The following ARHGEF37 variants were observed in gnomAD, a reference collection of about 807,000 sequenced individuals.
The protein encoded by ARHGEF37 is Rho guanine nucleotide exchange factor (GEF) 37.
A neutral mutation model predicts 71.1 loss-of-function variants in ARHGEF37; 55 were observed. The observed-to-expected ratio is 0.77, with a 90% confidence interval of 0.62 to 0.97. ARHGEF37 has a LOEUF of 0.97. Ranked by LOEUF, ARHGEF37 falls within the 50% of genes least tolerant of loss-of-function variation. The probability of loss-of-function intolerance (pLI) is 0.00; values close to 1 mark genes in which losing one functional copy is unlikely to be tolerated. For missense variants in ARHGEF37, 765 were observed against 836.8 expected (o/e 0.91, Z 1.06); for synonymous variants, 327 against 350.6 (o/e 0.93, Z 0.75).
intron 10 of ARHGEF37, among the ~76,000 whole-genome samples, chr5:149,624,753 T>C (rs1752632144): frequency 6.6e-6 from 1 of 152,236 alleles, no homozygotes; most frequent in South Asian, 2.1e-4. Context: ...TGCCTTCTAA[T>C]GCCAGCTTCA....
At chr5:149,631,897 G>A in intron 12 of ARHGEF37, 85 bp from the exon 13 acceptor site, 2 of 1,408,020 alleles carry the variant, frequency 1.4e-6, no homozygotes, top group South Asian at 1.3e-5. Flanking sequence ...CCAGGTGGAT[G>A]GGAACAGGAT....
At chr5:149,591,432 G>C (rs945937367) in intron 1 of ARHGEF37, among the ~76,000 whole-genome samples, 2 of 152,056 alleles carry the variant, frequency 1.3e-5, no homozygotes, top group African/African-American at 4.8e-5. Flanking sequence ...TGCCCAGGCT[G>C]GAGTGCAGTA....
intron 4 of ARHGEF37, among the ~76,000 whole-genome samples, chr5:149,614,209 A>C (rs1752309260): frequency 6.6e-6 from 1 of 152,036 alleles, no homozygotes; most frequent in African/African-American, 2.4e-5. Flanking sequence ...TTGTACCTTT[A>C]TCTTTGCTCA....
chr5:149,583,755 A>C (rs1348506591), intron 1 of ARHGEF37, among the ~76,000 whole-genome samples: 5 of 152,004 alleles, frequency 3.3e-5, no homozygotes, highest in African/African-American at 1.2e-4. Flanking sequence ...TAGGCTGAAG[A>C]ATTTGTTTAT....
At chr5:149,582,729 AT>A (rs2113265449) in intron 1 of ARHGEF37, among the ~76,000 whole-genome samples, 1 of 152,316 alleles carries the variant, frequency 6.6e-6, no homozygotes, top group East Asian at 1.9e-4. Context: ...TTATAAATAT[AT>A]TAAAGTATCA....
At chr5:149,580,941 C>A (rs1413765171), upstream of ARHGEF37, among the ~76,000 whole-genome samples, 1 of 152,132 alleles carries the variant, frequency 6.6e-6, no homozygotes, top group Non-Finnish European at 1.5e-5. Context: ...CCTTGTCTAT[C>A]GTGTTAACTG....
rs1213941726 is a variant in ARHGEF37, at chr5:149,609,767, C to G, written c.458+72C>G. On this transcript the variant is annotated intron_variant, in intron 4 of 12. Transcript: ENST00000333677. ...GTTCAGGAGCAGCTATGGTCTCACCCCTTTTTCATGCCATTCGTGCTGCTT... is the reference window on the plus strand; with the variant it reads ...GTTCAGGAGCAGCTATGGTCTCACCGCTTTTTCATGCCATTCGTGCTGCTT... 30 of 1,587,682 alleles carry G rather than the reference C, an allele frequency of 1.9e-5. No homozygotes were observed. In the East Asian group the frequency reaches 6.5e-4, roughly 35 times the overall value.
intron 2 of ARHGEF37, among the ~76,000 whole-genome samples, chr5:149,599,231 G>T (rs1763680351): frequency 6.6e-6 from 1 of 152,156 alleles, no homozygotes; most frequent in Non-Finnish European, 1.5e-5. Context: ...GGGGCTGGGG[G>T]AGCCAGCAGG....
intron 1 of ARHGEF37, among the ~76,000 whole-genome samples, chr5:149,590,020 G>T (rs1226539189): frequency 6.6e-6 from 1 of 152,032 alleles, no homozygotes; most frequent in Non-Finnish European, 1.5e-5. Flanking sequence ...GTGAAACCTG[G>T]AACAAATAAC....
At chr5:149,589,418 C>A (rs1165586184) in intron 1 of ARHGEF37, among the ~76,000 whole-genome samples, 1 of 151,988 alleles carries the variant, frequency 6.6e-6, no homozygotes, top group African/African-American at 2.4e-5. Context: ...GCCTCAACTT[C>A]CAGAGTTCAA....
intron 3 of ARHGEF37, among the ~76,000 whole-genome samples, chr5:149,603,262 C>A (rs1175951143): frequency 6.6e-6 from 1 of 152,154 alleles, no homozygotes; most frequent in Admixed American, 6.6e-5. Context: ...TAAAAACCTA[C>A]TTTCTGAGTG....
intron 3 of ARHGEF37, among the ~76,000 whole-genome samples, chr5:149,608,565 G>T (rs150986666): frequency 2.8e-3 from 424 of 151,846 alleles, no homozygotes; most frequent in African/African-American, 9.8e-3. Context: ...TAAAGGCAGG[G>T]TTTTACCATG....
In ARHGEF37 at chr5:149,588,416, C is replaced by A. The variant is rs76177022; in HGVS notation, c.-12+6792C>A. On this transcript the variant is annotated intron_variant, in intron 1 of 12. Coordinates refer to ENST00000333677, the MANE Select transcript of ARHGEF37 (RefSeq NM_001001669.3). ...GGTTCAAGCAATTTTTGTGTCTCAGCCACCCAAGTAGCTGAGATTACAGGC... is the reference window on the plus strand; with the variant it reads ...GGTTCAAGCAATTTTTGTGTCTCAGACACCCAAGTAGCTGAGATTACAGGC... Among the ~76,000 whole-genome samples the A allele has an allele frequency of 0.016, 2,383 of 152,208 alleles. 237 individuals carry two copies. In the East Asian group the frequency reaches 0.3, roughly 19 times the overall value.
At chr5:149,607,755 CTTTT>C (rs67079479) in intron 3 of ARHGEF37, among the ~76,000 whole-genome samples, 22,789 of 81,804 alleles carry the variant, frequency 0.28, 1,893 homozygotes, top group Middle Eastern at 0.45. Flanking sequence ...AAAGAAACTT[CTTTT>C]TTTTTTTTTT....
rs758705452 is a variant in ARHGEF37, at chr5:149,554,870, C to T, written c.-12+2747C>T. Among the ~76,000 whole-genome samples the T allele has an allele frequency of 1.6e-4, 24 of 152,000 alleles. No individual in the cohort carries two copies. In the East Asian group the frequency reaches 3.7e-3, roughly 23 times the overall value. ...CTTTTAGGCCAGGCACGGTGGCTCACGCCTGTAATCCCAGCACTTTGGGAG... is the reference window on the plus strand; with the variant it reads ...CTTTTAGGCCAGGCACGGTGGCTCATGCCTGTAATCCCAGCACTTTGGGAG... On this transcript the variant is annotated intron_variant, in intron 1 of 2. Transcript: ENST00000505810.
chr5:149,590,092 G>C (rs1021866715), intron 1 of ARHGEF37, among the ~76,000 whole-genome samples: 4 of 152,040 alleles, frequency 2.6e-5, no homozygotes, highest in Non-Finnish European at 4.4e-5. Context: ...TTGTATTTCT[G>C]GAATCCTGCA....
chr5:149,632,052 C>G lies in ARHGEF37; in HGVS notation c.1889C>G (p.Thr630Ser), dbSNP rs1449272183. ...AGCCTGCAGGCAGGCCAGCCTGTGA[C>G]CATCCTGGAGGCCCAGGACAAGAAG... ...EVSLQAGQPV[T>S]ILEAQDKKGN... The change falls in exon 13 of 13, where the codon ACC becomes AGC. Residue 630 changes from threonine (T) to serine (S), a missense_variant. Coordinates refer to ENST00000333677, the MANE Select transcript of ARHGEF37 (RefSeq NM_001001669.3). 6.2e-7 allele frequency: 1 copy of G among 1,614,126 alleles called. No homozygotes were observed. The highest frequency in any genetic ancestry group is 8.5e-7 in the Non-Finnish European group (1 of 1,180,054).
At chr5:149,616,894 G>T (rs542986520) in intron 5 of ARHGEF37, 128 bp downstream of exon 5, 234 of 990,450 alleles carry the variant, frequency 2.4e-4, no homozygotes, top group Non-Finnish European at 3.3e-4. Flanking sequence ...CAGAGGTAAT[G>T]CAAGCTTTAG....
At chr5:149,582,482 C>T (rs1474632775) in intron 1 of ARHGEF37, among the ~76,000 whole-genome samples, 1 of 151,976 alleles carries the variant, frequency 6.6e-6, no homozygotes, top group Non-Finnish European at 1.5e-5. Flanking sequence ...TATGTGTAGA[C>T]GGGGGATGAG....
Sources: allele counts gnomAD v4.1 joint callset (sites outside exome capture counted in the v4.1 genomes callset), GRCh38; gene constraint gnomAD v4.1.1; transcripts MANE v1.5; gene names NCBI Gene and HGNC (gene_info 2026-07-23, HGNC 2026-07-21).